EXOC6B: variants seen among roughly 807,000 people sequenced by gnomAD.
EXOC6B encodes the protein SEC15 homolog B.
Under a neutral mutation model 113.5 loss-of-function variants are expected in EXOC6B, and 54 were observed. That is an observed-to-expected ratio of 0.48 (90% CI 0.38 to 0.60). The LOEUF is 0.60. Ranked by LOEUF, EXOC6B falls within the 20% of genes least tolerant of loss-of-function variation. EXOC6B has a pLI of 0.00. For missense variants in EXOC6B, 797 were observed against 977.5 expected, an observed-to-expected ratio of 0.82 and a Z score of 2.46; for synonymous variants, 357 against 339.0, an observed-to-expected ratio of 1.05 and a Z score of -0.58.
At chr2:72,218,776 C>T (rs1680688066) in intron 20 of EXOC6B, among the ~76,000 whole-genome samples, 1 of 152,100 alleles carries the variant, frequency 6.6e-6, no homozygotes, top group Non-Finnish European at 1.5e-5. Context: ...AATTCTCCTG[C>T]CTCAGCCTCC....
chr2:72,820,636 A>G (rs1044844727), intron 1 of EXOC6B, among the ~76,000 whole-genome samples: 1 of 152,184 alleles, frequency 6.6e-6, no homozygotes, highest in Non-Finnish European at 1.5e-5. Context: ...CATAAACTCA[A>G]TAACAGGGTT....
intron 1 of EXOC6B, among the ~76,000 whole-genome samples, chr2:72,780,637 G>A (rs1354445172): frequency 6.6e-6 from 1 of 152,122 alleles, no homozygotes; most frequent in Non-Finnish European, 1.5e-5. Context: ...AACAGGACAT[G>A]GAGTAGAACC....
rs1429073558 is a variant in EXOC6B, at chr2:72,498,355, C to T, written c.1337+99G>A. 7.0e-6 allele frequency: 5 copies of T among 713,904 alleles called. No homozygotes were observed. The East Asian group carries it at 1.1e-4, about 16-fold the overall frequency. 44.2% of individuals were successfully genotyped at this position (713,904 alleles called of 1,614,324 possible). On this transcript the variant is annotated intron_variant, in intron 13 of 21. Transcript: ENST00000272427. ...AGCTACAAAATATAAGTAACATATA[C>T]TTGTTGCCTATAACATCTGAAAACC...
chr2:72,401,589 ATATATATATATATG>A (rs1558630954), intron 18 of EXOC6B, among the ~76,000 whole-genome samples: 13 of 42,602 alleles, frequency 3.1e-4, no homozygotes, highest in African/African-American at 3.0e-3. Flanking sequence ...ATACATATAT[ATATATATATATATG>A]TGTATATATA....
chr2:72,797,463 A>T lies in EXOC6B; in HGVS notation c.113+28335T>A, dbSNP rs1278562726. On this transcript the variant is annotated intron_variant, in intron 1 of 21. Coordinates refer to ENST00000272427, the MANE Select transcript of EXOC6B (RefSeq NM_015189.3). ...AGATAAAATGATCTAGAATTTGGAC[A>T]TTTTATAAGAAAAGGAACAAAGTAG... Among the ~76,000 whole-genome samples the T allele has an allele frequency of 3.3e-5, 5 of 152,228 alleles. No homozygotes were observed. The East Asian group carries it at 9.6e-4, about 29-fold the overall frequency.
At chr2:72,437,882 T>A (rs894799662) in intron 18 of EXOC6B, among the ~76,000 whole-genome samples, 1 of 152,118 alleles carries the variant, frequency 6.6e-6, no homozygotes, top group Non-Finnish European at 1.5e-5. Context: ...ATTATTAATT[T>A]ATTTCAGTGG....
rs189819871 is a variant in EXOC6B at position 72,771,301 on chromosome 2, C to A, written c.114-29832G>T. The stretch of plus-strand genomic sequence containing the variant: ...ACAGAACTCTTGTATAGCCTTTATG[C>A]AGAGTTCACTAATTTTTGCCATATT... On this transcript the variant is annotated intron_variant, in intron 1 of 21. Coordinates refer to ENST00000272427, the MANE Select transcript of EXOC6B (RefSeq NM_015189.3). 2.0e-5 allele frequency among the ~76,000 whole-genome samples: 3 copies of A among 152,228 alleles called. No homozygotes were observed. In the East Asian group the frequency reaches 5.8e-4, roughly 29 times the overall value.
chr2:72,513,064 A>G, intron 11 of EXOC6B, 68 bp downstream of exon 11: 2 of 1,556,770 alleles, frequency 1.3e-6, no homozygotes, highest in Non-Finnish European at 1.7e-6. Flanking sequence ...TTGATTTTAA[A>G]GCAGTAAAAC....
At chr2:72,354,814 G>A (rs1418454528) in intron 19 of EXOC6B, among the ~76,000 whole-genome samples, 1 of 152,224 alleles carries the variant, frequency 6.6e-6, no homozygotes, top group African/African-American at 2.4e-5. Flanking sequence ...ACCGAGCAAG[G>A]ACAAGCCTTG....
chr2:72,547,571 A>C (rs1248061650), intron 8 of EXOC6B, among the ~76,000 whole-genome samples: 3 of 152,144 alleles, frequency 2.0e-5, no homozygotes, highest in African/African-American at 7.2e-5. Context: ...TCTCCTAATG[A>C]CACCTAAGCT....
chr2:72,670,274 T>C (rs889907752), intron 6 of EXOC6B, among the ~76,000 whole-genome samples: 6 of 152,214 alleles, frequency 3.9e-5, no homozygotes, highest in Non-Finnish European at 7.3e-5. Context: ...TTATTTCCTG[T>C]TTATACTACA....
chr2:72,534,274 C>T (rs1034483457), intron 8 of EXOC6B, among the ~76,000 whole-genome samples: 4 of 151,922 alleles, frequency 2.6e-5, no homozygotes, highest in African/African-American at 4.8e-5. Context: ...TAGTTTTGTA[C>T]TTTCAAGAAC....
chr2:72,474,448 G>A (rs1698611663), intron 17 of EXOC6B, among the ~76,000 whole-genome samples: 1 of 151,764 alleles, frequency 6.6e-6, no homozygotes, highest in Non-Finnish European at 1.5e-5. Context: ...TAAAGGCTTT[G>A]CTCATTCTTT....
chr2:72,257,923 G>A (rs1187227201), intron 20 of EXOC6B, among the ~76,000 whole-genome samples: 1 of 152,128 alleles, frequency 6.6e-6, no homozygotes, highest in Non-Finnish European at 1.5e-5. Context: ...AAATATCTCA[G>A]TCAAGTGCTA....
chr2:72,656,085 C>T (rs1674553938), intron 6 of EXOC6B, among the ~76,000 whole-genome samples: 1 of 151,850 alleles, frequency 6.6e-6, no homozygotes, highest in Non-Finnish European at 1.5e-5. Context: ...GACTAAAATG[C>T]CTAAAAATGC....
At chr2:72,296,799 TC>T (rs981967778) in intron 20 of EXOC6B, among the ~76,000 whole-genome samples, 5 of 152,252 alleles carry the variant, frequency 3.3e-5, no homozygotes, top group Middle Eastern at 3.4e-3. Context: ...TCTGTTTTTT[TC>T]CTCAGTTTCT....
At chr2:72,814,787 C>T (rs2105143868) in intron 1 of EXOC6B, among the ~76,000 whole-genome samples, 1 of 151,744 alleles carries the variant, frequency 6.6e-6, no homozygotes, top group African/African-American at 2.4e-5. Flanking sequence ...GTCAGGAGAT[C>T]AAGACCACCC....
chr2:72,196,537 GA>G (rs1679178731), intron 20 of EXOC6B, among the ~76,000 whole-genome samples: 2 of 152,096 alleles, frequency 1.3e-5, no homozygotes, highest in African/African-American at 4.8e-5. Context: ...TTGCAACTCA[GA>G]ATTTCATTGC....
At chr2:72,306,694 T>TA in intron 20 of EXOC6B, among the ~76,000 whole-genome samples, 1 of 152,242 alleles carries the variant, frequency 6.6e-6, no homozygotes, top group South Asian at 2.1e-4. Flanking sequence ...ACCCTCGTTG[T>TA]ATACTGCTAA....
Sources: allele counts gnomAD v4.1 joint callset (sites outside exome capture counted in the v4.1 genomes callset), GRCh38; gene constraint gnomAD v4.1.1; transcripts MANE v1.5; gene names NCBI Gene and HGNC (gene_info 2026-07-23, HGNC 2026-07-21).